Variants in ADAMTSL1 observed in about 807,000 individuals in gnomAD.
The protein encoded by ADAMTSL1 is ADAMTS like 1.
In ADAMTSL1, 126 loss-of-function variants were observed where a neutral mutation model predicts 201.8. The ratio of observed to expected loss-of-function variants is 0.62; its 90% CI spans 0.54 to 0.72. ADAMTSL1 has a LOEUF of 0.72. Ranked by LOEUF, ADAMTSL1 falls within the 30% of genes least tolerant of loss-of-function variation. The pLI, the probability that ADAMTSL1 is intolerant of heterozygous loss-of-function variation, is 0.00. For missense variants in ADAMTSL1, 2,679 were observed against 2,277.8 expected (o/e 1.18, Z -3.59); for synonymous variants, 1,121 against 903.4 (o/e 1.24, Z -4.32).
chr9:18,814,719 T>A (rs1250063985), intron 20 of ADAMTSL1, among the ~76,000 whole-genome samples: 1 of 152,086 alleles, frequency 6.6e-6, no homozygotes, highest in African/African-American at 2.4e-5. Flanking sequence ...CAACAGATGC[T>A]AGGGCCTGGT....
chr9:18,139,323 AC>A (rs1752334964), intron 1 of ADAMTSL1, among the ~76,000 whole-genome samples: 1 of 152,164 alleles, frequency 6.6e-6, no homozygotes, highest in Admixed American at 6.5e-5. Flanking sequence ...ACCTGATTCT[AC>A]AAGGTCTCCT....
intron 23 of ADAMTSL1, among the ~76,000 whole-genome samples, chr9:18,862,515 A>T (rs899342226): frequency 1.5e-4 from 23 of 152,172 alleles, no homozygotes; most frequent in African/African-American, 5.3e-4. Flanking sequence ...TTGATTATAG[A>T]GCGCTTCCTT....
At chr9:18,721,356 C>G (rs986652535) in intron 14 of ADAMTSL1, among the ~76,000 whole-genome samples, 180 bp from the exon 15 acceptor site, 1 of 152,188 alleles carries the variant, frequency 6.6e-6, no homozygotes, top group Non-Finnish European at 1.5e-5. Context: ...AATACTTTCT[C>G]CCAGCTCAAG....
chr9:17,946,334 A>C (rs1827473310), intron 1 of ADAMTSL1, among the ~76,000 whole-genome samples: 1 of 152,028 alleles, frequency 6.6e-6, no homozygotes, highest in Admixed American at 6.6e-5. Flanking sequence ...ATATTTCGTC[A>C]ATTGGTACTC....
At chr9:18,726,390 AG>A in intron 15 of ADAMTSL1, among the ~76,000 whole-genome samples, 1 of 151,378 alleles carries the variant, frequency 6.6e-6, no homozygotes, top group East Asian at 2.0e-4. Context: ...GGGTGCCTGT[AG>A]TCATAGCTAC....
chr9:18,634,169 ATAATAT>A (rs1826954963), intron 5 of ADAMTSL1, among the ~76,000 whole-genome samples: 1 of 152,174 alleles, frequency 6.6e-6, no homozygotes, highest in African/African-American at 2.4e-5. Flanking sequence ...AGATAGGATG[ATAATAT>A]TAAGGTTCAG....
At chr9:18,350,989 T>C (rs930429666) in intron 2 of ADAMTSL1, among the ~76,000 whole-genome samples, 2 of 152,202 alleles carry the variant, frequency 1.3e-5, no homozygotes, top group African/African-American at 4.8e-5. Context: ...ATGGAGCTTT[T>C]AGCTATGGAG....
At chr9:17,960,281 T>C (rs1817689074) in intron 1 of ADAMTSL1, among the ~76,000 whole-genome samples, 1 of 152,194 alleles carries the variant, frequency 6.6e-6, no homozygotes, top group African/African-American at 2.4e-5. Flanking sequence ...TATGTCTGCT[T>C]GCATCTTATT....
chr9:18,772,205 TTCTC>T (rs1386919996), intron 17 of ADAMTSL1, among the ~76,000 whole-genome samples: 1 of 152,204 alleles, frequency 6.6e-6, no homozygotes, highest in Non-Finnish European at 1.5e-5. Context: ...GGTGAAAACA[TTCTC>T]TCAGTGGAGT....
At chr9:18,287,646 T>TATAG (rs1563860126) in intron 2 of ADAMTSL1, among the ~76,000 whole-genome samples, 51 of 106,434 alleles carry the variant, frequency 4.8e-4, no homozygotes, top group Middle Eastern at 0.013. Flanking sequence ...TATGTATGTG[T>TATAG]ATACATATAC....
chr9:18,689,235 G>C (rs182036100), intron 13 of ADAMTSL1, among the ~76,000 whole-genome samples: 5 of 152,198 alleles, frequency 3.3e-5, no homozygotes, highest in African/African-American at 1.2e-4. Context: ...TTTAGTCTTG[G>C]TTGAGATGTA....
chr9:18,874,947 G>T (rs1008759742), intron 23 of ADAMTSL1, among the ~76,000 whole-genome samples: 4 of 152,008 alleles, frequency 2.6e-5, no homozygotes, highest in Admixed American at 1.3e-4. Context: ...CTCACTGCTT[G>T]TTATTGATCT....
chr9:18,680,670 TC>T, intron 11 of ADAMTSL1, 154 bp downstream of exon 11: 1 of 731,190 alleles, frequency 1.4e-6, no homozygotes, highest in South Asian at 1.9e-5. Flanking sequence ...ATGCCCCAAA[TC>T]CAGCATGACC....
At chr9:18,467,803 A>T (rs1179838242) in intron 2 of ADAMTSL1, among the ~76,000 whole-genome samples, 1 of 152,172 alleles carries the variant, frequency 6.6e-6, no homozygotes, top group Non-Finnish European at 1.5e-5. Context: ...TTATCCTGGG[A>T]CTGGAAGCAG....
intron 3 of ADAMTSL1, among the ~76,000 whole-genome samples, chr9:18,563,896 C>T (rs773151152): frequency 3.3e-5 from 5 of 152,220 alleles, no homozygotes; most frequent in Non-Finnish European, 5.9e-5. Context: ...CGACTTCAGA[C>T]TGCTGTGCTG....
chr9:18,508,171 G>A (rs980759528), intron 2 of ADAMTSL1, among the ~76,000 whole-genome samples: 5 of 149,370 alleles, frequency 3.3e-5, no homozygotes, highest in African/African-American at 1.2e-4. Flanking sequence ...GGCGACGAGC[G>A]AAACTCCGTC....
At chr9:17,937,316 G>A (rs183052451) in intron 1 of ADAMTSL1, among the ~76,000 whole-genome samples, 184 of 152,154 alleles carry the variant, frequency 1.2e-3, no homozygotes, top group African/African-American at 4.1e-3. Context: ...TGGAAGGAGG[G>A]TGACTGAGAT....
Position 18,685,379 on chromosome 9 carries a change from A to C in ADAMTSL1, c.1574+579A>C, listed in dbSNP as rs570890520. 5.9e-5 allele frequency among the ~76,000 whole-genome samples: 9 copies of C among 152,342 alleles called. No homozygotes were observed. The South Asian group carries it at 1.9e-3, about 32-fold the overall frequency. ...GCCCAGATTTGCCAGTGTCTTCAGA[A>C]GAGGAAACAAATAGGAGAGACAAAA... On this transcript the variant is annotated intron_variant, in intron 13 of 28. Transcript: ENST00000380548.
chr9:18,048,876 A>G (rs1821791581), intron 1 of ADAMTSL1, among the ~76,000 whole-genome samples: 1 of 152,176 alleles, frequency 6.6e-6, no homozygotes, highest in Non-Finnish European at 1.5e-5. Context: ...GGGTGGTTTA[A>G]AACAACAGAA....
Sources: gnomAD v4.1 joint callset for allele counts (sites outside exome capture counted in the v4.1 genomes callset) on GRCh38, gnomAD v4.1.1 for gene constraint, MANE v1.5 for transcripts, NCBI Gene and HGNC (gene_info 2026-07-23, HGNC 2026-07-21) for gene names.